The following MTG2 variants were observed in gnomAD, a reference collection of about 807,000 sequenced individuals.
MTG2 encodes the protein mitochondrial ribosome associated GTPase 2, also known as mitochondrial ribosome-associated GTPase 2.
In MTG2, 23 loss-of-function variants were observed where a neutral mutation model predicts 28.6. The observed-to-expected ratio is 0.80, with a 90% CI of 0.58 to 1.14. The LOEUF (loss-of-function observed/expected upper bound fraction) is 1.14, where lower values mean the gene tolerates loss of function less well. MTG2 is among the 50% of genes most tolerant of loss of function. The pLI, the probability that MTG2 is intolerant of heterozygous loss-of-function variation, is 0.00. For missense variants in MTG2, 539 were observed against 552.0 expected, an observed-to-expected ratio of 0.98 and a Z score of 0.24; for synonymous variants, 260 against 251.8, an observed-to-expected ratio of 1.03 and a Z score of -0.31.
chr20:62,198,346 TAGA>T, intron 4 of MTG2: 1 of 549,270 alleles, frequency 1.8e-6, no homozygotes, highest in South Asian at 2.1e-5. Context: ...ACTCGTCTCT[TAGA>T]TGTTTTTTCT....
intron 1 of MTG2, chr20:62,188,857 A>G (rs971477440): frequency 6.6e-6 from 1 of 150,470 alleles, no homozygotes; most frequent in Non-Finnish European, 1.5e-5. Flanking sequence ...TTCTCAATGT[A>G]TTGAGACTTA....
intron 1 of MTG2, among the ~76,000 whole-genome samples, chr20:62,189,565 A>T (rs1341401492): frequency 6.6e-6 from 1 of 151,826 alleles, no homozygotes; most frequent in Admixed American, 6.6e-5. Context: ...TTGGCCTCCT[A>T]CAGTGCTGGG....
Position 62,198,800 on chromosome 20 carries a change from G to C in MTG2, c.635G>C (p.Gly212Ala), listed in dbSNP as rs1358952982. 6 of 1,614,038 alleles carry C rather than the reference G, an allele frequency of 3.7e-6. No individual in the cohort carries two copies. In the East Asian group the frequency reaches 1.3e-4, roughly 36 times the overall value. The change falls in exon 5 of 7, where the codon GGA becomes GCA. Residue 212 changes from glycine to alanine, a missense_variant. Coordinates refer to ENST00000370823, the MANE Select transcript of MTG2 (RefSeq NM_015666.4). ...GTGACCTGTACCCCTGGACAGCCAG[G>C]ACAGCAGCGAGTTCTCCACCTGGAG... ...APVTCTPGQPGQQRVLHLELK... is the reference protein window; with the variant it reads ...APVTCTPGQPAQQRVLHLELK...
At chr20:62,196,015 TA>T in intron 3 of MTG2, 66 bp downstream of exon 3, 6 of 1,576,536 alleles carry the variant, frequency 3.8e-6, no homozygotes, top group Non-Finnish European at 5.2e-6. Flanking sequence ...GCATTTGAAC[TA>T]AAAACCTGAT....
At chr20:62,198,036 G>C (rs78123987) in intron 4 of MTG2, 69 bp downstream of exon 4, 1 of 1,429,684 alleles carries the variant, frequency 7.0e-7, no homozygotes, top group Non-Finnish European at 9.8e-7. Context: ...GGGGGCCACC[G>C]TGTGACCCAC....
rs1049168701 is a variant in MTG2 at position 62,198,844 on chromosome 20, G to A, written c.679G>A (p.Ala227Thr). ...CCTGGAGCTCAAGACGGTGGCCCACGCCGGAATGGTAGGTGTCCCCACTGC... is the reference window on the plus strand; with the variant it reads ...CCTGGAGCTCAAGACGGTGGCCCACACCGGAATGGTAGGTGTCCCCACTGC... ...LHLELKTVAH[A>T]GMVGFPNAGK... The change falls in exon 5 of 7, where the codon GCC becomes ACC. Residue 227 changes from alanine (A) to threonine (T), a missense_variant. By Grantham distance (58) the Ala-to-Thr change is moderately conservative. Coordinates refer to ENST00000370823, the MANE Select transcript of MTG2 (RefSeq NM_015666.4). 3.1e-6 allele frequency: 5 copies of A among 1,614,006 alleles called. No homozygotes were observed. Among genetic ancestry groups the A allele is most frequent in the Middle Eastern group, 1.6e-4 (1 of 6,062 alleles).
chr20:62,198,931 T>C, intron 5 of MTG2, 79 bp downstream of exon 5: 3 of 1,585,416 alleles, frequency 1.9e-6, no homozygotes, highest in East Asian at 4.5e-5. Context: ...GATTTGCCAG[T>C]GGCCTGGAAG....
chr20:62,194,105 T>G (rs2058014446), intron 2 of MTG2: 1 of 151,438 alleles, frequency 6.6e-6, no homozygotes, highest in East Asian at 1.9e-4. Context: ...CTTTTTAAAT[T>G]AATAAATAAA....
intron 6 of MTG2, 26 bp downstream of exon 6, chr20:62,199,283 G>A (rs1243324347): frequency 6.3e-7 from 1 of 1,599,976 alleles, no homozygotes; most frequent in Non-Finnish European, 8.5e-7. Flanking sequence ...TTCTCCCAAA[G>A]GTTAGATTTA....
intron 1 of MTG2, among the ~76,000 whole-genome samples, chr20:62,192,666 C>A (rs775280366): frequency 6.6e-6 from 1 of 152,126 alleles, no homozygotes; most frequent in African/African-American, 2.4e-5. Flanking sequence ...CCAAGAGGTG[C>A]CTCATTAGAA....
At chr20:62,184,575 T>G (rs1381473737) in intron 1 of MTG2, among the ~76,000 whole-genome samples, 3 of 152,150 alleles carry the variant, frequency 2.0e-5, no homozygotes, top group Non-Finnish European at 2.9e-5. Context: ...GGAGGGCTTC[T>G]TGGACTGGAG....
intron 1 of MTG2, among the ~76,000 whole-genome samples, chr20:62,190,450 T>G (rs553403248): frequency 1.3e-5 from 2 of 152,378 alleles, no homozygotes; most frequent in South Asian, 4.1e-4. Flanking sequence ...CCCTCTGGTA[T>G]CATTTTCCTT....
At chr20:62,197,730 C>A in intron 3 of MTG2, 122 bp from the exon 4 acceptor site, 1 of 688,196 alleles carries the variant, frequency 1.5e-6, no homozygotes, top group South Asian at 1.9e-5. Context: ...GTAACTTCTG[C>A]TGCACCCTCA....
chr20:62,199,066 G>C, intron 5 of MTG2, 53 bp from the exon 6 acceptor site: 1 of 1,609,304 alleles, frequency 6.2e-7, no homozygotes, highest in Non-Finnish European at 8.5e-7. Context: ...CAGACTCTGC[G>C]CTAACAAAGG....
In MTG2 at chr20:62,198,747, C is replaced by T. The variant is rs755949067; in HGVS notation, c.582C>T (p.Phe194=). 3.6e-5 allele frequency: 58 copies of T among 1,614,032 alleles called. No individual in the cohort carries two copies. The highest frequency in any genetic ancestry group is 4.9e-5 in the Non-Finnish European group (58 of 1,180,054). The change falls in exon 5 of 7, where the codon TTC becomes TTT. Residue 194 remains phenylalanine (F), a synonymous_variant. Transcript: ENST00000370823. ...GGGCAGGAGGGAAAGGCAACCGCTT[C>T]TTCCTGGCCAACAACAACCGTGCCC... ...LGGAGGKGNR[F]FLANNNRAPV... is the part of the protein sequence containing the mutation.
chr20:62,198,860 T>A lies in MTG2; in HGVS notation c.687+8T>A. 1 of 1,613,850 alleles carries A rather than the reference T, an allele frequency of 6.2e-7. No homozygotes were observed. The highest frequency in any genetic ancestry group is 1.1e-5 in the South Asian group (1 of 91,080). On this transcript the variant is annotated splice_region_variant and intron_variant, in intron 5 of 6. Transcript: ENST00000370823. The stretch of plus-strand genomic sequence containing the variant: ...GTGGCCCACGCCGGAATGGTAGGTG[T>A]CCCCACTGCCAACAGCATCTGCACA...
intron 1 of MTG2, among the ~76,000 whole-genome samples, chr20:62,189,607 C>G (rs2057915915): frequency 6.6e-6 from 1 of 151,742 alleles, no homozygotes; most frequent in Non-Finnish European, 1.5e-5. Flanking sequence ...GCCCAGCTAG[C>G]TCTTTTTAAT....
Position 62,201,711 on chromosome 20 carries a change from G to A in MTG2, c.*634G>A, listed in dbSNP as rs2058174612. 1 of 152,434 alleles carries A rather than the reference G, an allele frequency of 6.6e-6. No individual in the cohort carries two copies. The highest frequency in any genetic ancestry group is 6.5e-5 in the Admixed American group (1 of 15,288). 9.4% of individuals were successfully genotyped at this position (152,434 alleles called of 1,614,324 possible). On this transcript the variant is annotated 3_prime_UTR_variant, in exon 7 of 7. Transcript: ENST00000370823. ...ATCAGCCGTCTGAGAAGAGCAGTGA[G>A]GCCAGCTGCTTCCTGTCCTTCAGAA... is the stretch of plus-strand genomic sequence containing the variant.
intron 5 of MTG2, 90 bp downstream of exon 5, chr20:62,198,942 A>G: frequency 6.4e-7 from 1 of 1,573,308 alleles, no homozygotes; most frequent in South Asian, 1.1e-5. Context: ...GGCCTGGAAG[A>G]GAACAGCTTT....
Sources: allele counts gnomAD v4.1 joint callset (sites outside exome capture counted in the v4.1 genomes callset), GRCh38; gene constraint gnomAD v4.1.1; transcripts MANE v1.5; gene names NCBI Gene and HGNC (gene_info 2026-07-23, HGNC 2026-07-21).